Variants in NELL1 observed in about 807,000 individuals in gnomAD.
NELL1 encodes neural EGFL like 1.
A neutral mutation model predicts 107.4 loss-of-function variants in NELL1; 76 were observed. The observed-to-expected ratio is 0.71, with a 90% CI of 0.59 to 0.86. The LOEUF is 0.86. NELL1 is among the 40% of genes least tolerant of loss of function. The probability of loss-of-function intolerance (pLI) is 0.00; values close to 1 mark genes in which losing one functional copy is unlikely to be tolerated. For synonymous variants in NELL1, 353 were observed against 341.2 expected (o/e 1.03, Z -0.38); for missense variants, 1,024 against 1,005.5 (o/e 1.02, Z -0.25).
chr11:21,522,625 C>T (rs541032721), intron 15 of NELL1, among the ~76,000 whole-genome samples: 12 of 151,988 alleles, frequency 7.9e-5, no homozygotes, highest in South Asian at 2.1e-4. Flanking sequence ...ATGTACATCC[C>T]GTGATGGACA....
intron 12 of NELL1, among the ~76,000 whole-genome samples, chr11:21,017,549 A>G (rs1346614257): frequency 1.3e-5 from 2 of 152,028 alleles, no homozygotes; most frequent in Non-Finnish European, 2.9e-5. Flanking sequence ...CAATGTTCTC[A>G]TCAGTTTAAT....
At chr11:21,551,779 A>G (rs1314300310) in intron 16 of NELL1, among the ~76,000 whole-genome samples, 1 of 151,476 alleles carries the variant, frequency 6.6e-6, no homozygotes, top group Non-Finnish European at 1.5e-5. Flanking sequence ...CAGCCATCCC[A>G]TTACTGGGTA....
chr11:21,438,259 GT>G (rs35035702), intron 15 of NELL1, among the ~76,000 whole-genome samples: 1 of 150,470 alleles, frequency 6.6e-6, no homozygotes, highest in East Asian at 1.9e-4. Context: ...TTACATGACA[GT>G]TTTTTTGTTT....
intron 3 of NELL1, among the ~76,000 whole-genome samples, chr11:20,803,250 T>A (rs535165406): frequency 2.0e-5 from 3 of 152,290 alleles, no homozygotes; most frequent in South Asian, 4.1e-4. Context: ...TTACATATCA[T>A]TGGTCTGTTC....
chr11:21,149,900 G>A (rs994201542), intron 13 of NELL1, among the ~76,000 whole-genome samples: 19 of 152,142 alleles, frequency 1.2e-4, no homozygotes, highest in South Asian at 4.1e-4. Flanking sequence ...CAAACACTAT[G>A]ACGGAAACAA....
At chr11:21,080,752 A>C (rs542296783) in intron 12 of NELL1, among the ~76,000 whole-genome samples, 111 of 152,208 alleles carry the variant, frequency 7.3e-4, no homozygotes, top group African/African-American at 2.6e-3. Context: ...ATTTTGATAG[A>C]TATTTCCAAC....
chr11:20,892,182 G>A (rs1190621870), intron 5 of NELL1, among the ~76,000 whole-genome samples: 4 of 152,066 alleles, frequency 2.6e-5, no homozygotes, highest in Middle Eastern at 3.2e-3. Context: ...ATCACGGTGC[G>A]ATCAAATTAG....
At chr11:21,091,136 G>A (rs1854510873) in intron 12 of NELL1, among the ~76,000 whole-genome samples, 1 of 152,158 alleles carries the variant, frequency 6.6e-6, no homozygotes, top group South Asian at 2.1e-4. Flanking sequence ...GTCCATTTCT[G>A]GCTCAGTATC....
At chr11:21,083,206 G>A (rs1431553719) in intron 12 of NELL1, among the ~76,000 whole-genome samples, 7 of 152,158 alleles carry the variant, frequency 4.6e-5, no homozygotes, top group East Asian at 1.9e-4. Flanking sequence ...TGTCAACCAC[G>A]GGGCCATTGG....
At chr11:21,046,705 T>C (rs1048822323) in intron 12 of NELL1, among the ~76,000 whole-genome samples, 1 of 150,518 alleles carries the variant, frequency 6.6e-6, no homozygotes, top group Non-Finnish European at 1.5e-5. Flanking sequence ...TATTTATTTA[T>C]TTATTTATTT....
intron 15 of NELL1, among the ~76,000 whole-genome samples, chr11:21,404,108 T>C (rs1852171507): frequency 7.1e-6 from 1 of 141,750 alleles, no homozygotes; most frequent in Non-Finnish European, 1.5e-5. Flanking sequence ...ACAAAACACA[T>C]GTGACAGTCA....
chr11:20,858,858 T>C (rs918235059), intron 4 of NELL1, among the ~76,000 whole-genome samples: 1 of 152,170 alleles, frequency 6.6e-6, no homozygotes, highest in Non-Finnish European at 1.5e-5. Context: ...GTACTGTCTG[T>C]GTGGCCTATT....
Position 20,931,894 on chromosome 11 carries a change from A to G in NELL1, c.997+3415A>G, listed in dbSNP as rs531159972. Reference sequence around the variant, plus strand: ...CTTTAGGTGGGGTAGTATTCTAGGGACACCAGGTAAAGGTAGGGCTATGAC... The same window carrying G: ...CTTTAGGTGGGGTAGTATTCTAGGGGCACCAGGTAAAGGTAGGGCTATGAC... On this transcript the variant is annotated intron_variant, in intron 9 of 19. Transcript: ENST00000357134. Among the ~76,000 whole-genome samples the G allele has an allele frequency of 5.7e-5, 5 of 87,314 alleles. No individual in the cohort carries two copies. The South Asian group carries it at 2.2e-3, about 38-fold the overall frequency. 57.3% of individuals were successfully genotyped at this position (87,314 alleles called of 152,430 possible). A position where few individuals can be genotyped will look rare whatever the true frequency, so the allele number is the denominator to read the frequency against.
intron 12 of NELL1, among the ~76,000 whole-genome samples, chr11:21,065,396 T>C (rs1303723263): frequency 2.6e-5 from 4 of 152,184 alleles, no homozygotes; most frequent in Non-Finnish European, 4.4e-5. Context: ...GATTGGATGA[T>C]TTTGCTCCTT....
At chr11:20,746,247 T>C (rs1030909223) in intron 2 of NELL1, among the ~76,000 whole-genome samples, 58 of 152,156 alleles carry the variant, frequency 3.8e-4, no homozygotes, top group African/African-American at 1.4e-3. Context: ...CTTCTTACTA[T>C]AGTTCATAGA....
At chr11:21,498,018 A>G (rs1356769910) in intron 15 of NELL1, among the ~76,000 whole-genome samples, 2 of 151,614 alleles carry the variant, frequency 1.3e-5, no homozygotes, top group Non-Finnish European at 2.9e-5. Flanking sequence ...CTTTATTTTC[A>G]ATTTGTCTTA....
At chr11:20,756,173 C>T (rs946299820) in intron 2 of NELL1, among the ~76,000 whole-genome samples, 2 of 152,042 alleles carry the variant, frequency 1.3e-5, no homozygotes, top group African/African-American at 4.8e-5. Flanking sequence ...AGCCACCGCG[C>T]CTGGCCAGAC....
At chr11:21,540,018 C>A (rs577792985) in intron 16 of NELL1, among the ~76,000 whole-genome samples, 66 of 151,932 alleles carry the variant, frequency 4.3e-4, no homozygotes, top group African/African-American at 1.6e-3. Flanking sequence ...TAGATTGACA[C>A]CATTTTCTAA....
At chr11:20,702,388 A>C (rs1289712883) in intron 2 of NELL1, among the ~76,000 whole-genome samples, 2 of 152,184 alleles carry the variant, frequency 1.3e-5, no homozygotes, top group African/African-American at 4.8e-5. Flanking sequence ...GAAGTTGCTT[A>C]TCAGCTTAAG....
Sources: allele counts gnomAD v4.1 joint callset (sites outside exome capture counted in the v4.1 genomes callset), GRCh38; gene constraint gnomAD v4.1.1; transcripts MANE v1.5; gene names NCBI Gene and HGNC (gene_info 2026-07-23, HGNC 2026-07-21).